Variants in CXADR observed in about 807,000 individuals in gnomAD.
CXADR encodes CXADR cell adhesion molecule.
CXADR carries 20 observed loss-of-function variants against 40.3 expected under a neutral mutation model. The observed-to-expected ratio is 0.50, with a 90% CI of 0.35 to 0.72. The LOEUF is 0.72. CXADR is among the 30% of genes least tolerant of loss of function. CXADR has a pLI of 0.01. For missense variants in CXADR, 332 were observed against 449.1 expected (o/e 0.74, Z 2.36); for synonymous variants, 150 against 161.3 (o/e 0.93, Z 0.53).
At chr21:17,597,592 T>C (rs962592897), downstream of CXADR, among the ~76,000 whole-genome samples, 7 of 152,036 alleles carry the variant, frequency 4.6e-5, no homozygotes, top group Non-Finnish European at 1.0e-4. Context: ...TACTGTCTTG[T>C]ACTGTTTGAA....
At chr21:17,531,082 G>A (rs552258467) in intron 1 of CXADR, among the ~76,000 whole-genome samples, 29 of 152,148 alleles carry the variant, frequency 1.9e-4, no homozygotes, top group Non-Finnish European at 1.0e-4. Flanking sequence ...GGTGGATCAC[G>A]AGGTCAGGAG....
downstream of CXADR, among the ~76,000 whole-genome samples, chr21:17,573,529 G>A (rs1375785715): frequency 6.6e-6 from 1 of 152,132 alleles, no homozygotes; most frequent in Non-Finnish European, 1.5e-5. Flanking sequence ...AACTGCCTCT[G>A]CCTACCCCAG....
At chr21:17,625,172 C>A in the CXADR span, among the ~76,000 whole-genome samples, 2 of 151,914 alleles carry the variant, frequency 1.3e-5, no homozygotes, top group Non-Finnish European at 2.9e-5. Flanking sequence ...CTGCATTAAT[C>A]ATGTTTGGGC....
At chr21:17,591,224 T>C (rs1335314942) in intron 7 of CXADR, among the ~76,000 whole-genome samples, 1 of 152,032 alleles carries the variant, frequency 6.6e-6, no homozygotes, top group Admixed American at 6.6e-5. Flanking sequence ...TCTGTGATCT[T>C]GGGCATTTTT....
the CXADR span, among the ~76,000 whole-genome samples, chr21:17,607,080 T>C: frequency 6.6e-6 from 1 of 152,358 alleles, no homozygotes; most frequent in Middle Eastern, 3.4e-3. Context: ...TATTCATTTT[T>C]ATAATAGTAA....
At chr21:17,592,174 AT>A (rs2061443317) in intron 7 of CXADR, among the ~76,000 whole-genome samples, 1 of 151,932 alleles carries the variant, frequency 6.6e-6, no homozygotes, top group Non-Finnish European at 1.5e-5. Flanking sequence ...TGTGCCAAAA[AT>A]AACACTTCCT....
At chr21:17,517,033 G>T (rs1368740391) in intron 1 of CXADR, among the ~76,000 whole-genome samples, 1 of 152,122 alleles carries the variant, frequency 6.6e-6, no homozygotes, top group Non-Finnish European at 1.5e-5. Flanking sequence ...TTGCCTTCAT[G>T]TCTGTAGATC....
rs535892693 is a variant in CXADR, at chr21:17,584,561, A to T, written c.1018-8591A>T. On this transcript the variant is annotated intron_variant, in intron 7 of 7. Transcript: ENST00000400169. ...AAGTCCTGCCCCTAGGCCGGGCGTG[A>T]TGGCTCACGTCTGTAGTCCCAGCAC... Among the ~76,000 whole-genome samples, 5 of 152,282 alleles carry T rather than the reference A, an allele frequency of 3.3e-5. No homozygotes were observed. The East Asian group carries it at 9.7e-4, about 29-fold the overall frequency.
downstream of CXADR, among the ~76,000 whole-genome samples, chr21:17,595,561 A>C (rs2061494030): frequency 6.6e-6 from 1 of 151,982 alleles, no homozygotes. Flanking sequence ...ATAATAATAC[A>C]TTTCAGAAAC....
At chr21:17,578,086 A>G (rs767803099) in intron 7 of CXADR, among the ~76,000 whole-genome samples, 1 of 152,162 alleles carries the variant, frequency 6.6e-6, no homozygotes, top group Non-Finnish European at 1.5e-5. Context: ...TGAACATAGG[A>G]GTGCAAATAG....
chr21:17,582,808 T>C (rs191754760), intron 7 of CXADR, among the ~76,000 whole-genome samples: 3 of 152,248 alleles, frequency 2.0e-5, no homozygotes, highest in African/African-American at 7.2e-5. Flanking sequence ...AAGTGAGTTA[T>C]CTTGCATTTG....
intron 1 of CXADR, chr21:17,542,985 G>C (rs1218603262): frequency 3.3e-6 from 1 of 306,280 alleles, no homozygotes; most frequent in East Asian, 1.1e-4. Context: ...GGAAACCCAG[G>C]AACTGTTTTA....
downstream of CXADR, among the ~76,000 whole-genome samples, chr21:17,570,700 TG>T (rs2061271040): frequency 1.3e-5 from 2 of 152,214 alleles, no homozygotes; most frequent in African/African-American, 4.8e-5. Context: ...TTTGGGCTTC[TG>T]GCTAATAAAA....
At chr21:17,575,874 G>A (rs1425280591) in intron 7 of CXADR, among the ~76,000 whole-genome samples, 1 of 151,418 alleles carries the variant, frequency 6.6e-6, no homozygotes, top group Non-Finnish European at 1.5e-5. Context: ...GATCACCTGA[G>A]GTCAGGAGTT....
At chr21:17,564,005 A>G (rs2061165583) in intron 6 of CXADR, among the ~76,000 whole-genome samples, 1 of 142,830 alleles carries the variant, frequency 7.0e-6, no homozygotes, top group Non-Finnish European at 1.6e-5. Flanking sequence ...ACAAACCTTC[A>G]ATTTGTAAAG....
chr21:17,593,134 CT>C, intron 7 of CXADR: 3 of 1,402,568 alleles, frequency 2.1e-6, no homozygotes, highest in South Asian at 1.7e-5. Flanking sequence ...AGAGATATCT[CT>C]TTTTTTCTTT....
intron 3 of CXADR, among the ~76,000 whole-genome samples, chr21:17,552,767 GA>G (rs2060985481): frequency 6.6e-6 from 1 of 152,152 alleles, no homozygotes; most frequent in Non-Finnish European, 1.5e-5. Context: ...ACTTTCATAG[GA>G]AAAGCTGATG....
downstream of CXADR, among the ~76,000 whole-genome samples, chr21:17,574,971 A>AAT (rs769192367): frequency 1.7e-4 from 15 of 85,858 alleles, no homozygotes; most frequent in African/African-American, 6.1e-4. Context: ...AAAAATATGG[A>AAT]ATATATATAT....
chr21:17,538,801 G>C (rs140366376), intron 1 of CXADR, among the ~76,000 whole-genome samples: 16 of 152,254 alleles, frequency 1.1e-4, no homozygotes, highest in African/African-American at 3.9e-4. Context: ...CTGGGCAACA[G>C]AGTGAGACCC....
Sources: allele counts gnomAD v4.1 joint callset (sites outside exome capture counted in the v4.1 genomes callset), GRCh38; gene constraint gnomAD v4.1.1; transcripts MANE v1.5; gene names NCBI Gene and HGNC (gene_info 2026-07-23, HGNC 2026-07-21).